Variants in AUTS2 observed in about 807,000 individuals in gnomAD.
The protein encoded by AUTS2 is activator of transcription and developmental regulator AUTS2.
In AUTS2, 17 loss-of-function variants were observed where a neutral mutation model predicts 112.4. The observed-to-expected ratio is 0.15, with a 90% CI of 0.10 to 0.23. The LOEUF (loss-of-function observed/expected upper bound fraction) is 0.23. Ranked by LOEUF, AUTS2 falls within the 10% of genes least tolerant of loss-of-function variation. The pLI is 1.00. For synonymous variants in AUTS2, 751 were observed against 702.7 expected (o/e 1.07, Z -1.09); for missense variants, 1,510 against 1,701.6 (o/e 0.89, Z 1.98).
At chr7:70,082,020 C>T (rs1033579503) in intron 2 of AUTS2, among the ~76,000 whole-genome samples, 5 of 148,676 alleles carry the variant, frequency 3.4e-5, no homozygotes, top group African/African-American at 1.2e-4. Flanking sequence ...GTGTGTGTGC[C>T]TGTGTGTGTG....
intron 1 of AUTS2, among the ~76,000 whole-genome samples, chr7:69,771,301 A>G (rs1381524196): frequency 2.0e-5 from 3 of 152,254 alleles, no homozygotes; most frequent in Non-Finnish European, 4.4e-5. Flanking sequence ...GTAACTAAAA[A>G]GGGGAGTGGT....
chr7:70,117,104 G>GTTTTTTTTTTTTTT (rs61076536), intron 2 of AUTS2, among the ~76,000 whole-genome samples: 4 of 78,454 alleles, frequency 5.1e-5, no homozygotes, highest in African/African-American at 1.5e-4. Flanking sequence ...GATGACTTTT[G>GTTTTTTTTTTTTTT]TTTTTTTTTT....
At chr7:70,089,777 G>A (rs997434436) in intron 2 of AUTS2, among the ~76,000 whole-genome samples, 1 of 152,066 alleles carries the variant, frequency 6.6e-6, no homozygotes, top group Non-Finnish European at 1.5e-5. Flanking sequence ...GGGAGGCCGA[G>A]GCAGGTGGAT....
At chr7:70,298,889 C>T (rs1428912397) in intron 4 of AUTS2, among the ~76,000 whole-genome samples, 3 of 152,222 alleles carry the variant, frequency 2.0e-5, no homozygotes, top group African/African-American at 4.8e-5. Context: ...GACAGCTCCA[C>T]GTTGCTGTTC....
chr7:70,523,300 G>C (rs145887150), intron 5 of AUTS2, among the ~76,000 whole-genome samples: 1 of 152,324 alleles, frequency 6.6e-6, no homozygotes, highest in Non-Finnish European at 1.5e-5. Context: ...TGGTTGAACT[G>C]CTTGTCCTTC....
rs1046039307 is a variant in AUTS2, at chr7:69,685,720, T to C, written c.309+85758T>C. The stretch of plus-strand genomic sequence containing the variant: ...GTATCTAAAGAAAGGATCCATGCCC[T>C]TTTTTTTTTTTTTTTTAAATAGAGA... On this transcript the variant is annotated intron_variant, in intron 1 of 18. Transcript: ENST00000342771. Among the ~76,000 whole-genome samples, 12 of 130,792 alleles carry C rather than the reference T, an allele frequency of 9.2e-5. No individual in the cohort carries two copies. The East Asian group carries it at 1.7e-3, about 18-fold the overall frequency. 85.8% of individuals were successfully genotyped at this position (130,792 alleles called of 152,430 possible).
intron 6 of AUTS2, among the ~76,000 whole-genome samples, chr7:70,740,448 A>G (rs1788035963): frequency 6.6e-6 from 1 of 151,950 alleles, no homozygotes; most frequent in African/African-American, 2.4e-5. Flanking sequence ...TAGAGCTTTT[A>G]CTACATTGCA....
At chr7:69,921,591 A>G (rs1795814876) in intron 2 of AUTS2, among the ~76,000 whole-genome samples, 1 of 150,676 alleles carries the variant, frequency 6.6e-6, no homozygotes, top group African/African-American at 2.4e-5. Context: ...AACATGGTAA[A>G]ACTCCCCATC....
chr7:70,575,752 T>TACCC (rs1408712644), intron 5 of AUTS2, among the ~76,000 whole-genome samples: 1 of 152,172 alleles, frequency 6.6e-6, no homozygotes, highest in African/African-American at 2.4e-5. Context: ...CACATCCTTA[T>TACCC]ACCCATTAGG....
At chr7:70,772,165 G>A (rs948427990) in intron 11 of AUTS2, among the ~76,000 whole-genome samples, 15 of 152,270 alleles carry the variant, frequency 9.9e-5, no homozygotes, top group Middle Eastern at 3.4e-3. Flanking sequence ...AGGTGGGGTG[G>A]TCGCCTCCCA....
chr7:70,211,603 C>T (rs1326991109), intron 4 of AUTS2, among the ~76,000 whole-genome samples: 5 of 149,744 alleles, frequency 3.3e-5, no homozygotes, highest in Non-Finnish European at 5.9e-5. Flanking sequence ...GAGCCGAGAT[C>T]GCGCCACTGC....
intron 5 of AUTS2, among the ~76,000 whole-genome samples, chr7:70,557,674 G>A (rs539399832): frequency 2.0e-5 from 3 of 152,314 alleles, no homozygotes; most frequent in Non-Finnish European, 4.4e-5. Context: ...TGCAGTTTGT[G>A]CAGATGGCAG....
At chr7:70,232,689 G>A (rs1190046913) in intron 4 of AUTS2, among the ~76,000 whole-genome samples, 2 of 152,066 alleles carry the variant, frequency 1.3e-5, no homozygotes, top group Non-Finnish European at 2.9e-5. Context: ...CTGGGGTCTT[G>A]CTTTTTTAAA....
At chr7:70,577,123 G>A (rs1401015294) in intron 5 of AUTS2, among the ~76,000 whole-genome samples, 1 of 152,188 alleles carries the variant, frequency 6.6e-6, no homozygotes, top group Admixed American at 6.5e-5. Flanking sequence ...GTGTTGTTTT[G>A]CTTATGTAGA....
intron 2 of AUTS2, among the ~76,000 whole-genome samples, chr7:70,018,948 A>G (rs1418209883): frequency 6.6e-6 from 1 of 152,228 alleles, no homozygotes; most frequent in Non-Finnish European, 1.5e-5. Flanking sequence ...TCTATCATAA[A>G]GATACATGTC....
intron 5 of AUTS2, among the ~76,000 whole-genome samples, chr7:70,585,755 C>T (rs1802652680): frequency 6.6e-6 from 1 of 152,114 alleles, no homozygotes; most frequent in African/African-American, 2.4e-5. Context: ...CGAATAACCC[C>T]TAATGGGACC....
chr7:70,759,860 G>GT (rs2129556504), intron 6 of AUTS2, among the ~76,000 whole-genome samples: 1 of 152,294 alleles, frequency 6.6e-6, no homozygotes. Flanking sequence ...ACCAGCATAA[G>GT]TAAGTGTGAA....
At chr7:70,363,186 A>G (rs1792355922) in intron 4 of AUTS2, among the ~76,000 whole-genome samples, 1 of 152,236 alleles carries the variant, frequency 6.6e-6, no homozygotes, top group Non-Finnish European at 1.5e-5. Context: ...TGTGGATTCA[A>G]AATCATGTAG....
intron 4 of AUTS2, among the ~76,000 whole-genome samples, chr7:70,408,684 T>C (rs1794646242): frequency 6.6e-6 from 1 of 152,188 alleles, no homozygotes; most frequent in Non-Finnish European, 1.5e-5. Flanking sequence ...AGCTGCTTGC[T>C]ACAAATGAGT....
Sources: allele counts gnomAD v4.1 joint callset (sites outside exome capture counted in the v4.1 genomes callset), GRCh38; gene constraint gnomAD v4.1.1; transcripts MANE v1.5; gene names NCBI Gene and HGNC (gene_info 2026-07-23, HGNC 2026-07-21).